Variants in CEP295 observed in about 807,000 individuals in gnomAD.
CEP295 encodes centrosomal protein of 295 kDa.
CEP295 carries 190 observed loss-of-function variants against 291.6 expected under a neutral mutation model. The ratio of observed to expected loss-of-function variants is 0.65; its 90% CI spans 0.58 to 0.73. The LOEUF is 0.73. Among genes scored for constraint, CEP295 ranks in the 30% least tolerant of loss-of-function variants. The probability of loss-of-function intolerance (pLI) is 0.00; values close to 1 mark genes in which losing one functional copy is unlikely to be tolerated. For synonymous variants in CEP295, 993 were observed against 1,038.8 expected, an observed-to-expected ratio of 0.96 and a Z score of 0.85; for missense variants, 2,863 against 2,949.4, an observed-to-expected ratio of 0.97 and a Z score of 0.68.
At position 93,699,315 on chromosome 11, in the gene CEP295, AT is replaced by A; in HGVS notation, c.4406del (p.Phe1469SerfsTer44). On this transcript the variant is annotated frameshift_variant, in exon 15 of 30. Transcript: ENST00000325212. LOFTEE classifies it high-confidence loss of function. ...ALEEHLHAQT[D>X]FLPSIEKTQK... ...GAAGAACACTTGCATGCACAGACAGATTTCCTTCCTTCTATTGAGAAAACCC... is the reference window on the plus strand; with the variant it reads ...GAAGAACACTTGCATGCACAGACAGATTCCTTCCTTCTATTGAGAAAACCC... 1 of 1,552,056 alleles carries A rather than the reference AT, an allele frequency of 6.4e-7. No homozygotes were observed. The highest frequency in any genetic ancestry group is 8.7e-7 in the Non-Finnish European group (1 of 1,147,046).
rs1382799036 is a variant in CEP295 at position 93,698,809 on chromosome 11, A to T, written c.3897A>T (p.Ser1299=). Residue 1299 remains serine, a synonymous_variant, in exon 15 of 30, where the codon TCA becomes TCT. Transcript: ENST00000325212. ...TCATACCCCAGTTGGTACAGCTTTC[A>T]TTTACTTCGTTAGCTTCAGCTGAGT... The part of the protein sequence containing the change: ...SSFIPQLVQL[S]FTSLASAESG... 5.8e-6 allele frequency: 9 copies of T among 1,551,730 alleles called. No homozygotes were observed. Among genetic ancestry groups the T allele is most frequent in the Non-Finnish European group, 7.0e-6 (8 of 1,146,990 alleles).
chr11:93,728,576 C>A, intron 24 of CEP295, 105 bp from the exon 25 acceptor site: 1 of 927,670 alleles, frequency 1.1e-6, no homozygotes, highest in Non-Finnish European at 1.5e-6. Context: ...CCTCCATTTT[C>A]ACATTTATAT....
Position 93,679,481 on chromosome 11 carries a change from G to A in CEP295, c.694G>A (p.Glu232Lys), listed in dbSNP as rs1950857811. Residue 232 changes from glutamate (E) to lysine (K), a missense_variant, in exon 7 of 30, where the codon GAG (glutamate) becomes AAG (lysine). Physicochemically the swap from Glu to Lys is moderately conservative, Grantham distance 56. This residue lies in a region of CEP295 where 554 missense variants were observed against 576.0 expected (regional missense o/e 0.96). Coordinates refer to ENST00000325212, the MANE Select transcript of CEP295 (RefSeq NM_033395.2). The part of the protein sequence containing the change: ...LEELQKQAAQ[E>K]RMERFEKAHV... ...AGAACTACAAAAACAGGCAGCACAA[G>A]AGAGAATGGAACGGTTTGAAAAGGC... is the stretch of plus-strand genomic sequence containing the variant. 6.4e-7 allele frequency: 1 copy of A among 1,551,660 alleles called. No individual in the cohort carries two copies.
At chr11:93,720,545 A>C (rs1449567494) in intron 18 of CEP295, among the ~76,000 whole-genome samples, 1 of 152,050 alleles carries the variant, frequency 6.6e-6, no homozygotes, top group Non-Finnish European at 1.5e-5. Flanking sequence ...GTACAGTACA[A>C]GTAAAAATTA....
chr11:93,696,619 A>G lies in CEP295; in HGVS notation c.1770-63A>G, dbSNP rs894804955. 20 of 1,400,920 alleles carry G rather than the reference A, an allele frequency of 1.4e-5. No homozygotes were observed. In the South Asian group the frequency reaches 1.5e-4, roughly 10 times the overall value. The allele number at this position is 1,400,920 out of a possible 1,614,324, so 86.8% of individuals were successfully genotyped here. On this transcript the variant is annotated intron_variant, in intron 14 of 29. Coordinates refer to ENST00000325212, the MANE Select transcript of CEP295 (RefSeq NM_033395.2). ...GATTGCTGTTTGTTAAATTTAATGT[A>G]TAGACATGGGGCTTTTTATTTTTCA...
rs1452544775 is a variant in CEP295 at position 93,699,200 on chromosome 11, T to C, written c.4288T>C (p.Ser1430Pro). 4 of 1,551,798 alleles carry C rather than the reference T, an allele frequency of 2.6e-6. No individual in the cohort carries two copies. Among genetic ancestry groups the C allele is most frequent in the Non-Finnish European group, 3.5e-6 (4 of 1,147,026 alleles). The change falls in exon 15 of 30, where the codon TCA (serine) becomes CCA (proline). Residue 1430 changes from serine to proline, a missense_variant. Physicochemically the swap from Ser to Pro is moderately conservative, Grantham distance 74. Around this residue, in one of 3 missense-constraint regions of CEP295, gnomAD observed 2,295 missense variants for 2,335.7 expected, o/e 0.98. Coordinates refer to ENST00000325212, the MANE Select transcript of CEP295 (RefSeq NM_033395.2). ...AATTAACAGTGATAATATAGTATCC[T>C]CAGGTCACTCAGAGATACCAACATT... Reference protein sequence around the residue: ...CSINSDNIVSSGHSEIPTLPD... With the variant: ...CSINSDNIVSPGHSEIPTLPD...
At chr11:93,722,876 G>C in intron 20 of CEP295, 165 bp from the exon 21 acceptor site, 1 of 537,172 alleles carries the variant, frequency 1.9e-6, no homozygotes, top group Non-Finnish European at 3.3e-6. Flanking sequence ...ACGCCCAGCT[G>C]ATTTTTGTAT....
chr11:93,665,885 G>C (rs1950188073), intron 1 of CEP295, among the ~76,000 whole-genome samples: 1 of 152,204 alleles, frequency 6.6e-6, no homozygotes, highest in African/African-American at 2.4e-5. Context: ...ATATGCAGTA[G>C]ACTGGGAGTT....
chr11:93,727,290 C>T lies in CEP295; in HGVS notation c.6814C>T (p.Leu2272=), dbSNP rs1299223996. 1.9e-6 allele frequency: 3 copies of T among 1,551,626 alleles called. No individual in the cohort carries two copies. The Admixed American group carries it at 5.9e-5, about 30-fold the overall frequency. Reference sequence around the variant, plus strand: ...TAGTGAGTGCTCAACAAAACACCAACTAGAAAGCAGAAAGGAAAGTATGGG... The same window carrying T: ...TAGTGAGTGCTCAACAAAACACCAATTAGAAAGCAGAAAGGAAAGTATGGG... ...NSSECSTKHQ[L]ESRKESMGFE... The change falls in exon 24 of 30, where the codon CTA becomes TTA. Residue 2272 remains leucine, a synonymous_variant. Transcript: ENST00000325212.
intron 10 of CEP295, among the ~76,000 whole-genome samples, chr11:93,690,926 T>C (rs1951512819): frequency 6.6e-6 from 1 of 152,138 alleles, no homozygotes; most frequent in South Asian, 2.1e-4. Flanking sequence ...AGGTCTCCTA[T>C]ACATCTTCAT....
intron 12 of CEP295, among the ~76,000 whole-genome samples, chr11:93,695,272 C>T (rs1951792587): frequency 6.6e-6 from 1 of 152,188 alleles, no homozygotes; most frequent in African/African-American, 2.4e-5. Flanking sequence ...TCTTTTCCTT[C>T]TGCCTTTTTT....
intron 20 of CEP295, 150 bp downstream of exon 20, chr11:93,722,200 G>C (rs1591152875): frequency 1.6e-6 from 1 of 620,808 alleles, no homozygotes; most frequent in East Asian, 2.8e-5. Context: ...CAGGCGTGGT[G>C]CCTCACGCCT....
chr11:93,684,081 A>T lies in CEP295; in HGVS notation c.1067A>T (p.Glu356Val), dbSNP rs1481977294. The T allele has an allele frequency of 4.5e-6, 7 of 1,551,688 alleles. No individual in the cohort carries two copies. Among genetic ancestry groups the T allele is most frequent in the Non-Finnish European group, 6.1e-6 (7 of 1,146,976 alleles). Residue 356 changes from glutamate to valine, a missense_variant, in exon 9 of 30, where the codon GAA becomes GTA. Glu to Val is a moderately radical substitution (Grantham distance 121). Coordinates refer to ENST00000325212, the MANE Select transcript of CEP295 (RefSeq NM_033395.2). ...GAACAAGAAAATTTGGGTGCAGCTG[A>T]AGACCTTCCAGTGACAGAAGCTGAA... ...SMEQENLGAA[E>V]DLPVTEAEIC...
rs561732187 is a variant in CEP295, at chr11:93,723,513, C to G, written c.6196+224C>G. ...ATAGGAGATTAATTAGCAAATCTTC[C>G]TTTGCCATTGCAGAGTTAGCTATTA... On this transcript the variant is annotated intron_variant, in intron 21 of 29. Coordinates refer to ENST00000325212, the MANE Select transcript of CEP295 (RefSeq NM_033395.2). 38 of 380,220 alleles carry G rather than the reference C, an allele frequency of 1.0e-4. 3 individuals are homozygous for G. In the South Asian group the frequency reaches 1.4e-3, roughly 14 times the overall value. The allele number at this position is 380,220 out of a possible 1,614,324, so 23.6% of individuals were successfully genotyped here.
Position 93,669,690 on chromosome 11 carries a change from C to G in CEP295, c.448C>G (p.Arg150Gly). ...LKQKTWHIKARKEALLVEKER... is the reference protein window; with the variant it reads ...LKQKTWHIKAGKEALLVEKER... ...TTGTTTCTTAAGGCATATAAAAGCT[C>G]GAAAGGAAGCACTGCTTGTGGAAAA... is the stretch of plus-strand genomic sequence containing the variant. The change falls in exon 5 of 30, where the codon CGA becomes GGA. Residue 150 changes from arginine (R) to glycine (G), a missense_variant. This residue lies in a region of CEP295 where 554 missense variants were observed against 576.0 expected (regional missense o/e 0.96). Transcript: ENST00000325212. 1 of 1,549,286 alleles carries G rather than the reference C, an allele frequency of 6.5e-7. No homozygotes were observed. The highest frequency in any genetic ancestry group is 8.7e-7 in the Non-Finnish European group (1 of 1,145,248).
At position 93,726,905 on chromosome 11, in the gene CEP295, TAG is replaced by T. The variant is rs371757947; in HGVS notation, c.6500-67_6500-66del. ...TACTTGCAATTGGATGATAAACTATTAGAGACTGTCAGTATCCAACTTTTACA... is the reference window on the plus strand; with the variant it reads ...TACTTGCAATTGGATGATAAACTATTAGACTGTCAGTATCCAACTTTTACA... On this transcript the variant is annotated intron_variant, in intron 23 of 29. Transcript: ENST00000325212. 105 of 1,214,338 alleles carry T rather than the reference TAG, an allele frequency of 8.6e-5. No individual in the cohort carries two copies. In the African/African-American group the frequency reaches 1.1e-3, roughly 12 times the overall value. The allele number at this position is 1,214,338 out of a possible 1,614,324, so 75.2% of individuals were successfully genotyped here. A position where few individuals can be genotyped will look rare whatever the true frequency, so the allele number is the denominator to read the frequency against.
chr11:93,689,438 A>G (rs965062913), intron 10 of CEP295, among the ~76,000 whole-genome samples: 2 of 152,234 alleles, frequency 1.3e-5, no homozygotes, highest in Non-Finnish European at 2.9e-5. Context: ...GACAGCAAAC[A>G]TAGGACTCGT....
chr11:93,679,493 C>A lies in CEP295; in HGVS notation c.706C>A (p.Arg236=). 6.4e-7 allele frequency: 1 copy of A among 1,551,430 alleles called. No individual in the cohort carries two copies. Among genetic ancestry groups the A allele is most frequent in the Non-Finnish European group, 8.7e-7 (1 of 1,146,844 alleles). The change falls in exon 7 of 30, where the codon CGG becomes AGG. Residue 236 remains arginine (R), a synonymous_variant. Transcript: ENST00000325212. The part of the protein sequence containing the change: ...QKQAAQERME[R]FEKAHVRGFQ... ...ACAGGCAGCACAAGAGAGAATGGAACGGTTTGAAAAGGCACATGTACGGGG... is the reference window on the plus strand; with the variant it reads ...ACAGGCAGCACAAGAGAGAATGGAAAGGTTTGAAAAGGCACATGTACGGGG...
intron 2 of CEP295, 29 bp from the exon 3 acceptor site, chr11:93,667,578 A>G (rs573440973): frequency 2.0e-6 from 3 of 1,490,844 alleles, no homozygotes. Context: ...ACCTCCTTTC[A>G]TATAACCTGT....
Sources: gnomAD v4.1 joint callset for allele counts (sites outside exome capture counted in the v4.1 genomes callset) on GRCh38, gnomAD v4.1.1 for gene constraint, gnomAD v4.1.1 regional missense constraint, MANE v1.5 for transcripts, NCBI Gene and HGNC (gene_info 2026-07-23, HGNC 2026-07-21) for gene names.